Variants in SYNE2 observed in about 807,000 individuals in gnomAD.
SYNE2 encodes nesprin-2.
In SYNE2, 431 loss-of-function variants were observed where a neutral mutation model predicts 856.3. That is an observed-to-expected ratio of 0.50 (90% CI 0.47 to 0.55). The LOEUF (loss-of-function observed/expected upper bound fraction) is 0.55, where lower values mean the gene tolerates loss of function less well. Ranked by LOEUF, SYNE2 falls within the 20% of genes least tolerant of loss-of-function variation. The pLI is 0.00. For synonymous variants in SYNE2, 2,923 were observed against 2,872.3 expected (o/e 1.02, Z -0.56); for missense variants, 8,129 against 8,023.2 (o/e 1.01, Z -0.50).
chr14:63,972,170 T>C (rs561301697), intron 11 of SYNE2, among the ~76,000 whole-genome samples: 1 of 152,328 alleles, frequency 6.6e-6, no homozygotes, highest in African/African-American at 2.4e-5. Context: ...GTTTCTATTC[T>C]GATCACCGCT....
At chr14:64,113,151 C>T (rs2097825554) in intron 65 of SYNE2, 190 bp from the exon 66 acceptor site, 1 of 985,266 alleles carries the variant, frequency 1.0e-6, no homozygotes, top group South Asian at 4.7e-5. Context: ...AGATCGGCTG[C>T]TTGGAAACCT....
At chr14:64,151,792 G>A (rs1175854529) in intron 84 of SYNE2, among the ~76,000 whole-genome samples, 1 of 152,156 alleles carries the variant, frequency 6.6e-6, no homozygotes, top group Non-Finnish European at 1.5e-5. Flanking sequence ...GTGTTTTCCA[G>A]TTTCTTTGTA....
At chr14:63,951,359 G>A (rs1435458097) in intron 7 of SYNE2, among the ~76,000 whole-genome samples, 1 of 152,070 alleles carries the variant, frequency 6.6e-6, no homozygotes, top group African/African-American at 2.4e-5. Flanking sequence ...CTGGAGTGCA[G>A]TGGCACGATC....
At chr14:63,763,300 T>C (rs1886558122) in intron 1 of SYNE2, among the ~76,000 whole-genome samples, 1 of 152,234 alleles carries the variant, frequency 6.6e-6, no homozygotes, top group Non-Finnish European at 1.5e-5. Context: ...TAAAAGAGTT[T>C]TCCTCCTGGA....
chr14:63,808,567 C>A, intron 1 of SYNE2: 1 of 152,834 alleles, frequency 6.5e-6, no homozygotes, highest in Non-Finnish European at 1.5e-5. Context: ...CCATGTGCGG[C>A]ATATCAAGCG....
intron 11 of SYNE2, among the ~76,000 whole-genome samples, chr14:63,971,066 T>C (rs908392627): frequency 1.3e-5 from 2 of 151,928 alleles, no homozygotes; most frequent in Non-Finnish European, 2.9e-5. Context: ...GTGGTTGCTC[T>C]AGGGATTATA....
intron 111 of SYNE2, among the ~76,000 whole-genome samples, 187 bp downstream of exon 111, chr14:64,220,824 C>T (rs567474181): frequency 9.8e-5 from 15 of 152,290 alleles, no homozygotes; most frequent in Admixed American, 5.2e-4. Context: ...CTCCCTGTCC[C>T]AGGTCTCGTC....
At chr14:63,802,977 C>G (rs545519161) in intron 1 of SYNE2, among the ~76,000 whole-genome samples, 1 of 152,056 alleles carries the variant, frequency 6.6e-6, no homozygotes, top group African/African-American at 2.4e-5. Context: ...TTGCAAAGAG[C>G]GAAAGAACAA....
At chr14:64,006,151 A>G (rs2096794241) in intron 30 of SYNE2, among the ~76,000 whole-genome samples, 1 of 152,212 alleles carries the variant, frequency 6.6e-6, no homozygotes, top group Admixed American at 6.5e-5. Flanking sequence ...ATTGGAGGCT[A>G]GGAAGTAGAG....
chr14:63,940,254 G>C (rs1375828206), intron 2 of SYNE2, among the ~76,000 whole-genome samples: 4 of 151,616 alleles, frequency 2.6e-5, no homozygotes, highest in African/African-American at 7.3e-5. Context: ...TGGGATTTCT[G>C]TATGTTGTCC....
intron 1 of SYNE2, among the ~76,000 whole-genome samples, chr14:63,847,695 C>T (rs1383232914): frequency 6.7e-6 from 1 of 150,290 alleles, no homozygotes; most frequent in Non-Finnish European, 1.5e-5. Context: ...AAGTGATTCT[C>T]TTGCCTCAGC....
intron 1 of SYNE2, among the ~76,000 whole-genome samples, chr14:63,896,873 G>GC (rs547092192): frequency 9.4e-4 from 143 of 152,260 alleles, no homozygotes; most frequent in African/African-American, 3.1e-3. Context: ...CCAGTCCTTT[G>GC]CCCTCCACTC....
intron 2 of SYNE2, among the ~76,000 whole-genome samples, chr14:63,915,067 C>T (rs2095518518): frequency 6.6e-6 from 1 of 152,244 alleles, no homozygotes; most frequent in Non-Finnish European, 1.5e-5. Flanking sequence ...GCATGAGCCA[C>T]TGTGCCTGGC....
At chr14:63,867,329 A>G (rs1895622478) in intron 1 of SYNE2, among the ~76,000 whole-genome samples, 1 of 152,022 alleles carries the variant, frequency 6.6e-6, no homozygotes, top group Admixed American at 6.6e-5. Flanking sequence ...ACCAAACTAA[A>G]ATTGGCCTAT....
intron 94 of SYNE2, among the ~76,000 whole-genome samples, chr14:64,170,982 CAA>C (rs1482507480): frequency 6.6e-6 from 1 of 152,042 alleles, no homozygotes; most frequent in African/African-American, 2.4e-5. Context: ...ATTTGTAACT[CAA>C]AGGATAAATG....
chr14:63,895,156 G>A (rs1168003469), intron 1 of SYNE2, among the ~76,000 whole-genome samples: 1 of 149,414 alleles, frequency 6.7e-6, no homozygotes, highest in Non-Finnish European at 1.5e-5. Flanking sequence ...CCTAGGTGGT[G>A]TGCAGTGGCA....
intron 19 of SYNE2, among the ~76,000 whole-genome samples, chr14:63,988,611 A>G (rs2096643575): frequency 1.3e-5 from 2 of 152,172 alleles, no homozygotes; most frequent in Admixed American, 6.5e-5. Flanking sequence ...ATACCCATGT[A>G]TATTAGTTTG....
intron 48 of SYNE2, 48 bp from the exon 49 acceptor site, chr14:64,055,896 C>A: frequency 6.6e-7 from 1 of 1,505,914 alleles, no homozygotes. Flanking sequence ...GACAGGAATT[C>A]CAAAAGTTTG....
At chr14:64,060,375 A>C (rs1446339143) in intron 49 of SYNE2, among the ~76,000 whole-genome samples, 2 of 151,542 alleles carry the variant, frequency 1.3e-5, no homozygotes, top group African/African-American at 4.9e-5. Context: ...GAATCCTGCC[A>C]GGGCTGGGTC....
Sources: allele counts gnomAD v4.1 joint callset (sites outside exome capture counted in the v4.1 genomes callset), GRCh38; gene constraint gnomAD v4.1.1; transcripts MANE v1.5; gene names NCBI Gene and HGNC (gene_info 2026-07-23, HGNC 2026-07-21).